Variants in CABP5 observed in about 807,000 individuals in gnomAD.
The protein encoded by CABP5 is calcium-binding protein 5.
A neutral mutation model predicts 21.9 loss-of-function variants in CABP5; 17 were observed. The observed-to-expected ratio is 0.78, with a 90% CI of 0.53 to 1.17. The LOEUF (loss-of-function observed/expected upper bound fraction) is 1.17, where lower values mean the gene tolerates loss of function less well. Among genes scored for constraint, CABP5 ranks in the 50% most tolerant of loss-of-function variants. The pLI is 0.00. For synonymous variants in CABP5, 85 were observed against 79.4 expected, an observed-to-expected ratio of 1.07 and a Z score of -0.37; for missense variants, 229 against 228.9, an observed-to-expected ratio of 1.00 and a Z score of 0.00.
Position 48,039,285 on chromosome 19 carries a change from C to T in CABP5, c.271G>A (p.Glu91Lys). Reference protein sequence around the residue: ...GGRVDFDDFVELMTPKLLAET... With the variant: ...GGRVDFDDFVKLMTPKLLAET... ...GCAAGCAATTTGGGGGTCATCAGCTCCACAAAGTCATCAAAGTCTACACGG... is the reference window on the plus strand; with the variant it reads ...GCAAGCAATTTGGGGGTCATCAGCTTCACAAAGTCATCAAAGTCTACACGG... Residue 91 changes from glutamate (E) to lysine (K), a missense_variant, in exon 4 of 6, where the codon GAG becomes AAG. Transcript: ENST00000293255. 1.2e-6 allele frequency: 2 copies of T among 1,614,130 alleles called. No homozygotes were observed. The highest frequency in any genetic ancestry group is 1.7e-6 in the Non-Finnish European group (2 of 1,180,006).
In CABP5 at chr19:48,029,816, G is replaced by GAGAGAGAGAGAGAGAGAGAGAGAGAA. The variant is rs1967315370; in HGVS notation, c.*740_*741insTTCTCTCTCTCTCTCTCTCTCTCTCT. The stretch of plus-strand genomic sequence containing the variant: ...AGACAGACAGAGAGAGAGAGAGAGA[G>GAGAGAGAGAGAGAGAGAGAGAGAGAA]AGAGAGAGAGAGAGAGAGAGAAACC... On this transcript the variant is annotated 3_prime_UTR_variant, in exon 6 of 6. Coordinates refer to ENST00000293255, the MANE Select transcript of CABP5 (RefSeq NM_019855.5). The GAGAGAGAGAGAGAGAGAGAGAGAGAA allele has an allele frequency of 6.6e-6, 1 of 150,838 alleles. No homozygotes were observed. The highest frequency in any genetic ancestry group is 1.5e-5 in the Non-Finnish European group (1 of 67,796). 9.3% of individuals were successfully genotyped at this position (150,838 alleles called of 1,614,324 possible).
At position 48,029,841 on chromosome 19, in the gene CABP5, CA is replaced by C. The variant is rs1225884228; in HGVS notation, c.*715del. 1.3e-5 allele frequency: 1 copy of C among 78,982 alleles called. No individual in the cohort carries two copies. Among genetic ancestry groups the C allele is most frequent in the Non-Finnish European group, 2.9e-5 (1 of 34,050 alleles). 4.9% of individuals were successfully genotyped at this position (78,982 alleles called of 1,614,324 possible). On this transcript the variant is annotated 3_prime_UTR_variant, in exon 6 of 6. Transcript: ENST00000293255. Reference sequence around the variant, plus strand: ...GAGAGAGAGAGAGAGAGAGAGAAACCAGACAGTGCTTCCAGGAAATCAGGAA... The same window carrying C: ...GAGAGAGAGAGAGAGAGAGAGAAACCGACAGTGCTTCCAGGAAATCAGGAA...
At chr19:48,034,866 C>T (rs920325958) in intron 4 of CABP5, among the ~76,000 whole-genome samples, 1 of 151,978 alleles carries the variant, frequency 6.6e-6, no homozygotes, top group Non-Finnish European at 1.5e-5. Context: ...TTTAATGAGA[C>T]GGGGTCTCAC....
chr19:48,040,676 A>G lies in CABP5; in HGVS notation c.167T>C (p.Leu56Pro), dbSNP rs1421922925. ...GGGCATGTAACCCATCGTCCTCATG[A>G]GATTCCCCAGATCCTTACAAGAGAT... ...GFISCKDLGN[L>P]MRTMGYMPTE... Residue 56 changes from leucine (L) to proline (P), a missense_variant, in exon 3 of 6, where the codon CTC becomes CCC. By Grantham distance (98) the Leu-to-Pro change is moderately conservative (BLOSUM62 -3). Transcript: ENST00000293255. 1 of 1,613,922 alleles carries G rather than the reference A, an allele frequency of 6.2e-7. No individual in the cohort carries two copies. The highest frequency in any genetic ancestry group is 8.5e-7 in the Non-Finnish European group (1 of 1,179,926).
At chr19:48,040,868 C>CAAAA (rs1238854010) in intron 2 of CABP5, 120 bp from the exon 3 acceptor site, 1 of 734,466 alleles carries the variant, frequency 1.4e-6, no homozygotes, top group Non-Finnish European at 2.0e-6. Flanking sequence ...ACATTAGAAA[C>CAAAA]AAAACAAAAC....
Position 48,036,827 on chromosome 19 carries a change from G to A in CABP5, c.348+2381C>T, listed in dbSNP as rs541046869. Among the ~76,000 whole-genome samples the A allele has an allele frequency of 6.6e-5, 10 of 152,208 alleles. No homozygotes were observed. In the East Asian group the frequency reaches 1.2e-3, roughly 18 times the overall value. The stretch of plus-strand genomic sequence containing the variant: ...AAGAAGACAGACAAATGGCAAACAA[G>A]TTCGTGAAAAAAATGCTCAGCATCA... On this transcript the variant is annotated intron_variant, in intron 4 of 5. Coordinates refer to ENST00000293255, the MANE Select transcript of CABP5 (RefSeq NM_019855.5).
At chr19:48,041,698 G>A (rs1364185455) in intron 1 of CABP5, 95 bp from the exon 2 acceptor site, 2 of 1,143,786 alleles carry the variant, frequency 1.7e-6, no homozygotes, top group East Asian at 2.7e-5. Context: ...CCACGCTCTC[G>A]TGGTTCTCTT....
At position 48,029,798 on chromosome 19, in the gene CABP5, C is replaced by CAGACAGAG. The variant is rs1555737196; in HGVS notation, c.*758_*759insCTCTGTCT. 4.2e-5 allele frequency among the ~76,000 whole-genome samples: 5 copies of CAGACAGAG among 120,150 alleles called. No homozygotes were observed. Among genetic ancestry groups the CAGACAGAG allele is most frequent in the African/African-American group, 1.3e-4 (4 of 30,612 alleles). 78.8% of individuals were successfully genotyped at this position (120,150 alleles called of 152,430 possible). A position where few individuals can be genotyped will look rare whatever the true frequency, so the allele number is the denominator to read the frequency against. ...GGGAGGGGAGACAGAGACAGACAGACAGAGAGAGAGAGAGAGAGAGAGAGA... is the reference window on the plus strand; with the variant it reads ...GGGAGGGGAGACAGAGACAGACAGACAGACAGAGAGAGAGAGAGAGAGAGAGAGAGAGA... On this transcript the variant is annotated 3_prime_UTR_variant, in exon 6 of 6. Coordinates refer to ENST00000293255, the MANE Select transcript of CABP5 (RefSeq NM_019855.5).
intron 2 of CABP5, 167 bp downstream of exon 2, chr19:48,041,406 C>T: frequency 2.9e-6 from 2 of 698,280 alleles, no homozygotes; most frequent in Non-Finnish European, 5.0e-6. Context: ...TTGGGAAGTC[C>T]TTCAACTGCC....
rs142604666 is a variant in CABP5, at chr19:48,030,475, T to C, written c.*82A>G. ...CCTCCCTCTCTGCTTTAAGGGGATC[T>C]GGGGCTTTTGGGCTTTGGTTCTCCA... On this transcript the variant is annotated 3_prime_UTR_variant, in exon 6 of 6. Transcript: ENST00000293255. The C allele has an allele frequency of 2.1e-6, 3 of 1,440,224 alleles. No individual in the cohort carries two copies. The African/African-American group carries it at 4.3e-5, about 21-fold the overall frequency. The allele number at this position is 1,440,224 out of a possible 1,614,324, so 89.2% of individuals were successfully genotyped here.
At chr19:48,030,688 G>A (rs879007474) in intron 5 of CABP5, 106 bp from the exon 6 acceptor site, 2 of 1,040,328 alleles carry the variant, frequency 1.9e-6, no homozygotes, top group South Asian at 2.8e-5. Flanking sequence ...TGATCCCTGG[G>A]AAATTACTTA....
intron 3 of CABP5, 66 bp from the exon 4 acceptor site, chr19:48,039,383 G>C (rs1449395896): frequency 1.6e-6 from 2 of 1,256,944 alleles, no homozygotes; most frequent in Non-Finnish European, 2.3e-6. Context: ...CTCACTTTGT[G>C]CTTCGAGTCA....
intron 4 of CABP5, 72 bp downstream of exon 4, chr19:48,039,136 A>G: frequency 1.6e-6 from 2 of 1,223,564 alleles, no homozygotes; most frequent in Admixed American, 3.4e-5. Flanking sequence ...TGTCCATGGC[A>G]TTGGCTAATT....
chr19:48,040,068 C>T (rs1245997861), intron 3 of CABP5, among the ~76,000 whole-genome samples: 3 of 151,184 alleles, frequency 2.0e-5, no homozygotes, highest in African/African-American at 7.3e-5. Context: ...CAGTTATGAT[C>T]TCCATCCAAA....
intron 1 of CABP5, 95 bp downstream of exon 1, chr19:48,043,765 C>T (rs1184537272): frequency 2.8e-6 from 3 of 1,077,082 alleles, no homozygotes; most frequent in Non-Finnish European, 3.8e-6. Context: ...CACCTGTTCC[C>T]CTGGTTCTGT....
chr19:48,030,506 G>C lies in CABP5; in HGVS notation c.*51C>G, dbSNP rs372632915. On this transcript the variant is annotated 3_prime_UTR_variant, in exon 6 of 6. Transcript: ENST00000293255. ...TTTTGGGCTTTGGTTCTCCACAAGC[G>C]CTTGCTCCATGTTGACCAGGTGGAG... The C allele has an allele frequency of 1.3e-6, 2 of 1,579,726 alleles. No individual in the cohort carries two copies. Among genetic ancestry groups the C allele is most frequent in the Non-Finnish European group, 8.6e-7 (1 of 1,161,724 alleles).
chr19:48,040,150 A>G (rs1178488424), intron 3 of CABP5, among the ~76,000 whole-genome samples: 1 of 152,192 alleles, frequency 6.6e-6, no homozygotes, highest in Non-Finnish European at 1.5e-5. Context: ...CCAACATCCA[A>G]TACAGCTCCA....
intron 1 of CABP5, among the ~76,000 whole-genome samples, chr19:48,043,427 T>C (rs909817298): frequency 1.3e-5 from 2 of 148,892 alleles, no homozygotes; most frequent in Non-Finnish European, 3.0e-5. Context: ...TTCTGAGGTG[T>C]AAATAACATC....
Position 48,030,620 on chromosome 19 carries a change from G to A in CABP5, c.497-38C>T, listed in dbSNP as rs745319838. 21 of 1,604,326 alleles carry A rather than the reference G, an allele frequency of 1.3e-5. No individual in the cohort carries two copies. In the East Asian group the frequency reaches 1.3e-4, roughly 10 times the overall value. On this transcript the variant is annotated intron_variant, in intron 5 of 5. Transcript: ENST00000293255. ...AAAAAAATCCCCAGTAAGGCATCTCGTTGTAAAAGCCCCCAACATTATTTT... is the reference window on the plus strand; with the variant it reads ...AAAAAAATCCCCAGTAAGGCATCTCATTGTAAAAGCCCCCAACATTATTTT...
Sources: gnomAD v4.1 joint callset for allele counts (sites outside exome capture counted in the v4.1 genomes callset) on GRCh38, gnomAD v4.1.1 for gene constraint, MANE v1.5 for transcripts, NCBI Gene and HGNC (gene_info 2026-07-23, HGNC 2026-07-21) for gene names.